CHST6: variants seen among roughly 807,000 people sequenced by gnomAD.
CHST6 encodes N-acetylglucosamine 6-O-sulfotransferase 5.
For missense variants in CHST6, 698 were observed against 586.2 expected, an observed-to-expected ratio of 1.19 and a Z score of -1.97; for synonymous variants, 309 against 276.4, an observed-to-expected ratio of 1.12 and a Z score of -1.17.
intron 1 of CHST6, among the ~76,000 whole-genome samples, chr16:75,483,794 C>T (rs184904155): frequency 2.0e-5 from 3 of 152,162 alleles, no homozygotes; most frequent in South Asian, 2.1e-4. Flanking sequence ...GAGGCTGAGG[C>T]GGGTGAATTG....
intron 1 of CHST6, among the ~76,000 whole-genome samples, chr16:75,487,806 T>TAAAAA (rs771817845): frequency 1.8e-5 from 1 of 56,202 alleles, no homozygotes; most frequent in Non-Finnish European, 3.3e-5. Flanking sequence ...CCGTCCCCCC[T>TAAAAA]AAAAAAAAAA....
intron 1 of CHST6, among the ~76,000 whole-genome samples, chr16:75,490,039 G>C (rs1476476332): frequency 1.3e-5 from 2 of 150,910 alleles, no homozygotes; most frequent in African/African-American, 4.9e-5. Flanking sequence ...CTAGCCAGGC[G>C]TGGTGGCAGG....
intron 2 of CHST6, among the ~76,000 whole-genome samples, chr16:75,480,485 A>T (rs1490351575): frequency 6.6e-6 from 1 of 152,190 alleles, no homozygotes; most frequent in African/African-American, 2.4e-5. Flanking sequence ...ACATGTTTGA[A>T]TATCCTGGAT....
chr16:75,479,709 G>C lies in CHST6; in HGVS notation c.120C>G (p.Arg40=). The change falls in exon 3 of 3, where the codon CGC becomes CGG. Residue 40 remains arginine, a synonymous_variant. Transcript: ENST00000332272. ...GPSSPAGGEA[R]VHVLVLSSWR... is the part of the protein sequence containing the mutation. ...ACGAGGACAGCACCAGCACATGCACGCGCGCCTCGCCGCCTGCTGGGGACG... is the reference window on the plus strand; with the variant it reads ...ACGAGGACAGCACCAGCACATGCACCCGCGCCTCGCCGCCTGCTGGGGACG... 6.2e-7 allele frequency: 1 copy of C among 1,609,842 alleles called. No homozygotes were observed. The highest frequency in any genetic ancestry group is 8.5e-7 in the Non-Finnish European group (1 of 1,178,234).
At chr16:75,486,319 G>C (rs1269199919) in intron 1 of CHST6, among the ~76,000 whole-genome samples, 4 of 152,242 alleles carry the variant, frequency 2.6e-5, no homozygotes, top group Non-Finnish European at 5.9e-5. Context: ...GCACTGCACA[G>C]GTGCACTGGA....
intron 1 of CHST6, among the ~76,000 whole-genome samples, chr16:75,487,784 C>A (rs1463948886): frequency 8.4e-6 from 1 of 119,730 alleles, no homozygotes; most frequent in African/African-American, 3.3e-5. Flanking sequence ...GGGTGACAGA[C>A]AGAGTGAGAC....
At chr16:75,486,386 C>G (rs555121781) in intron 1 of CHST6, among the ~76,000 whole-genome samples, 1 of 152,228 alleles carries the variant, frequency 6.6e-6, no homozygotes, top group Non-Finnish European at 1.5e-5. Context: ...AGTCTCTAGG[C>G]TTTTCCCTGG....
In CHST6 at chr16:75,479,790, C is replaced by T. The variant is rs760232320; in HGVS notation, c.39G>A (p.Ala13=). ...GGAGGAAGGTCTGCGCCAGGAGGAG[C>T]GCGGTCACTGCTGTGCTGGAGACGC... ...LPRVSSTAVT[A]LLLAQTFLLL... is the part of the protein sequence containing the mutation. Residue 13 remains alanine (A), a synonymous_variant, in exon 3 of 3, where the codon GCG becomes GCA. Transcript: ENST00000332272. The T allele has an allele frequency of 2.4e-5, 38 of 1,582,210 alleles. No homozygotes were observed. The Admixed American group carries it at 3.1e-4, about 13-fold the overall frequency.
In CHST6 at chr16:75,479,716, T is replaced by A. The variant is rs2080116624; in HGVS notation, c.113A>T (p.Glu38Val). 3.1e-6 allele frequency: 5 copies of A among 1,608,896 alleles called. No individual in the cohort carries two copies. Among genetic ancestry groups the A allele is most frequent in the Non-Finnish European group, 4.2e-6 (5 of 1,177,796 alleles). The change falls in exon 3 of 3, where the codon GAG (glutamate) becomes GTG (valine). Residue 38 changes from glutamate to valine, a missense_variant. By Grantham distance (121) the Glu-to-Val change is moderately radical (BLOSUM62 -2). Transcript: ENST00000332272. ...CAGCACCAGCACATGCACGCGCGCC[T>A]CGCCGCCTGCTGGGGACGAGGGCCC... ...RPGPSSPAGG[E>V]ARVHVLVLSS...
intron 1 of CHST6, among the ~76,000 whole-genome samples, chr16:75,493,186 G>A (rs1432952076): frequency 6.6e-6 from 1 of 151,896 alleles, no homozygotes; most frequent in Non-Finnish European, 1.5e-5. Context: ...TCTTGTGCAA[G>A]TTACTTCCTT....
At chr16:75,494,568 C>T (rs868411199) in intron 1 of CHST6, among the ~76,000 whole-genome samples, 1 of 152,344 alleles carries the variant, frequency 6.6e-6, no homozygotes, top group African/African-American at 2.4e-5. Flanking sequence ...TGACGCAGGA[C>T]TCCAATTCCC....
At chr16:75,493,571 G>T (rs2080279315) in intron 1 of CHST6, among the ~76,000 whole-genome samples, 1 of 152,002 alleles carries the variant, frequency 6.6e-6, no homozygotes, top group South Asian at 2.1e-4. Context: ...CCAACTCATG[G>T]GCTTGATTGA....
chr16:75,488,192 G>C lies in CHST6; in HGVS notation c.-91-6301C>G, dbSNP rs182325537. ...GAGAATCCCAAAGCCACCTGGGCACGGTGGCTCATGTCTATAATCCCAGCA... is the reference window on the plus strand; with the variant it reads ...GAGAATCCCAAAGCCACCTGGGCACCGTGGCTCATGTCTATAATCCCAGCA... On this transcript the variant is annotated intron_variant, in intron 1 of 2. Coordinates refer to ENST00000332272, the MANE Select transcript of CHST6 (RefSeq NM_021615.5). Among the ~76,000 whole-genome samples, 53 of 152,202 alleles carry C rather than the reference G, an allele frequency of 3.5e-4. No individual in the cohort carries two copies. In the East Asian group the frequency reaches 4.4e-3, roughly 13 times the overall value.
chr16:75,480,942 A>AAGAAAAG (rs1555501066), intron 2 of CHST6, among the ~76,000 whole-genome samples: 1 of 118,094 alleles, frequency 8.5e-6, no homozygotes, highest in Non-Finnish European at 1.7e-5. Flanking sequence ...AAAAAAAAAA[A>AAGAAAAG]AAAAGAAAAG....
chr16:75,478,654 T>G lies in CHST6; in HGVS notation c.1175A>C (p.His392Pro), dbSNP rs919464801. The change falls in exon 3 of 3, where the codon CAC becomes CCC. Residue 392 changes from histidine to proline, a missense_variant. Physicochemically the swap from His to Pro is moderately conservative, Grantham distance 77. Coordinates refer to ENST00000332272, the MANE Select transcript of CHST6 (RefSeq NM_021615.5). ...GFTWASSTAS[H>P]PRN ...CTGTGGCCTCCACTAATTTCGGGGGTGCGAGGCGGTGGATGATGCCCAAGT... is the reference window on the plus strand; with the variant it reads ...CTGTGGCCTCCACTAATTTCGGGGGGGCGAGGCGGTGGATGATGCCCAAGT... 9.9e-6 allele frequency: 16 copies of G among 1,613,478 alleles called. No individual in the cohort carries two copies. The highest frequency in any genetic ancestry group is 1.2e-5 in the Non-Finnish European group (14 of 1,179,940).
rs1597471279 is a variant in CHST6 at position 75,478,591 on chromosome 16, A to C, written c.*50T>G. On this transcript the variant is annotated 3_prime_UTR_variant, in exon 3 of 3. Coordinates refer to ENST00000332272, the MANE Select transcript of CHST6 (RefSeq NM_021615.5). ...CTCCGTGCGCCCCAGCCCCCTCTGC[A>C]CCATGCACTCTCCTCCCGGGCCTAG... The C allele has an allele frequency of 6.3e-7, 1 of 1,591,096 alleles. No individual in the cohort carries two copies.
rs1443487933 is a variant in CHST6, at chr16:75,486,516, C to T, written c.-91-4625G>A. Among the ~76,000 whole-genome samples the T allele has an allele frequency of 2.6e-5, 4 of 152,254 alleles. No homozygotes were observed. The East Asian group carries it at 7.7e-4, about 29-fold the overall frequency. On this transcript the variant is annotated intron_variant, in intron 1 of 2. Coordinates refer to ENST00000332272, the MANE Select transcript of CHST6 (RefSeq NM_021615.5). ...CACCTCTATATTCCACACACTGACC[C>T]TGCCCCCCCAGCCCACACAGAACTA...
rs377642990 is a variant in CHST6 at position 75,483,522 on chromosome 16, T to A, written c.-91-1631A>T. Among the ~76,000 whole-genome samples, 18 of 152,280 alleles carry A rather than the reference T, an allele frequency of 1.2e-4. 3 individuals are homozygous for A. Among genetic ancestry groups the A allele is most frequent in the Admixed American group, 6.5e-4 (10 of 15,282 alleles). On this transcript the variant is annotated intron_variant, in intron 1 of 2. Coordinates refer to ENST00000332272, the MANE Select transcript of CHST6 (RefSeq NM_021615.5). ...AGAGCATTCTGATAGGAGCCTTACG[T>A]TCAGCACAGTAGACATTTGGGCCAA...
chr16:75,472,240 C>T lies in CHST6; in HGVS notation c.*6401G>A, dbSNP rs1268399463. Reference sequence around the variant, plus strand: ...TATACAAATGTTTAATCAAACTTTACACTTTATGTGCAGATGTTGTATATC... The same window carrying T: ...TATACAAATGTTTAATCAAACTTTATACTTTATGTGCAGATGTTGTATATC... On this transcript the variant is annotated 3_prime_UTR_variant, in exon 3 of 3. Coordinates refer to ENST00000332272, the MANE Select transcript of CHST6 (RefSeq NM_021615.5). 1.3e-5 allele frequency: 2 copies of T among 152,188 alleles called. No individual in the cohort carries two copies. Among genetic ancestry groups the T allele is most frequent in the Admixed American group, 6.5e-5 (1 of 15,282 alleles). 9.4% of individuals were successfully genotyped at this position (152,188 alleles called of 1,614,324 possible). A position where few individuals can be genotyped will look rare whatever the true frequency, so the allele number is the denominator to read the frequency against.
Sources: gnomAD v4.1 joint callset for allele counts (sites outside exome capture counted in the v4.1 genomes callset) on GRCh38, gnomAD v4.1.1 for gene constraint, MANE v1.5 for transcripts, NCBI Gene and HGNC (gene_info 2026-07-23, HGNC 2026-07-21) for gene names.